The following ABCA4 variants were observed in gnomAD, a reference collection of about 807,000 sequenced individuals.
ABCA4 encodes the protein retinal-specific phospholipid-transporting ATPase ABCA4.
A neutral mutation model predicts 263.7 loss-of-function variants in ABCA4; 196 were observed. The observed-to-expected ratio is 0.74, with a 90% CI of 0.66 to 0.84. The LOEUF is 0.84. ABCA4 is among the 40% of genes least tolerant of loss of function. The pLI is 0.00. For missense variants in ABCA4, 2,792 were observed against 2,855.1 expected, an observed-to-expected ratio of 0.98 and a Z score of 0.50; for synonymous variants, 1,133 against 1,094.2, an observed-to-expected ratio of 1.04 and a Z score of -0.70.
At chr1:94,100,551 G>C (rs1662258529) in intron 5 of ABCA4, among the ~76,000 whole-genome samples, 1 of 152,188 alleles carries the variant, frequency 6.6e-6, no homozygotes, top group Non-Finnish European at 1.5e-5. Flanking sequence ...GGACAAAGAA[G>C]GGTGGGTTTA....
chr1:94,002,327 G>C (rs1458734287), intron 44 of ABCA4, among the ~76,000 whole-genome samples: 1 of 152,236 alleles, frequency 6.6e-6, no homozygotes, highest in Non-Finnish European at 1.5e-5. Context: ...GGAAGGCTCT[G>C]TTTGAGAAGA....
At chr1:94,069,835 G>A (rs895999296) in intron 11 of ABCA4, among the ~76,000 whole-genome samples, 2 of 152,194 alleles carry the variant, frequency 1.3e-5, no homozygotes, top group African/African-American at 4.8e-5. Flanking sequence ...CACCCACAGA[G>A]AGTAAGGAAA....
chr1:94,021,335 G>A lies in ABCA4; in HGVS notation c.4923C>T (p.Ala1641=), dbSNP rs1441135860. 4 of 1,614,194 alleles carry A rather than the reference G, an allele frequency of 2.5e-6. No individual in the cohort carries two copies. The highest frequency in any genetic ancestry group is 2.2e-5 in the South Asian group (2 of 91,076). ...CGGGGCTCCTGTCCTTAGGCAGGCT[G>A]GCCCGTAAGATGGCGTTGTGGGCCA... ...LNVAHNAILR[A]SLPKDRSPEE... The change falls in exon 35 of 50, where the codon GCC becomes GCT. Residue 1641 remains alanine, a synonymous_variant. Coordinates refer to ENST00000370225, the MANE Select transcript of ABCA4 (RefSeq NM_000350.3).
At chr1:94,055,419 C>T (rs898716935) in intron 15 of ABCA4, 104 bp from the exon 16 acceptor site, 2 of 1,138,706 alleles carry the variant, frequency 1.8e-6, no homozygotes, top group Non-Finnish European at 2.6e-6. Context: ...AAGAGGGTCC[C>T]CATTGTCTCT....
intron 6 of ABCA4, among the ~76,000 whole-genome samples, chr1:94,088,106 C>T (rs1661879938): frequency 3.3e-5 from 5 of 152,232 alleles, no homozygotes; most frequent in Admixed American, 3.3e-4. Flanking sequence ...CTTCTACCCT[C>T]ACCATCCTAC....
intron 4 of ABCA4, among the ~76,000 whole-genome samples, chr1:94,107,993 C>A (rs1427504652): frequency 6.6e-6 from 1 of 152,174 alleles, no homozygotes; most frequent in Non-Finnish European, 1.5e-5. Flanking sequence ...CCAGTCCCTG[C>A]CTTCAGCCCG....
intron 12 of ABCA4, 72 bp downstream of exon 12, chr1:94,063,040 C>G: frequency 7.1e-7 from 1 of 1,407,308 alleles, no homozygotes. Context: ...CAGTCTCAAT[C>G]CCTTTCTCTC....
intron 26 of ABCA4, among the ~76,000 whole-genome samples, chr1:94,033,447 AAAG>A (rs1660259554): frequency 6.6e-6 from 1 of 152,036 alleles, no homozygotes; most frequent in Non-Finnish European, 1.5e-5. Context: ...AGAAAAAAAA[AAAG>A]AACATTTCAC....
chr1:94,043,216 T>TTCACAGAGGTGTTCCCACCCTTAGAAGC (rs1660566421), intron 21 of ABCA4, 120 bp downstream of exon 21: 1 of 1,421,632 alleles, frequency 7.0e-7, no homozygotes, highest in African/African-American at 1.4e-5. Flanking sequence ...TTGGTGTAAC[T>TTCACAGAGGTGTTCCCACCCTTAGAAGC]TCACAGAGGT....
At position 94,046,393 on chromosome 1, in the gene ABCA4, C is replaced by T. The variant is rs1172798503; in HGVS notation, c.2918+526G>A. On this transcript the variant is annotated intron_variant, in intron 19 of 49. Transcript: ENST00000370225. ...GGGAGAATCGCTTGATCCTGGGAGG[C>T]GGAGGTTGCAGTGAGCCAAGATCGC... Among the ~76,000 whole-genome samples the T allele has an allele frequency of 3.9e-5, 5 of 126,934 alleles. No individual in the cohort carries two copies. In the South Asian group the frequency reaches 8.0e-4, roughly 20 times the overall value. The allele number at this position is 126,934 out of a possible 152,430, so 83.3% of individuals were successfully genotyped here.
At chr1:94,013,220 TC>T (rs4147898) in intron 38 of ABCA4, among the ~76,000 whole-genome samples, 1 of 33,570 alleles carries the variant, frequency 3.0e-5, no homozygotes, top group Non-Finnish European at 1.3e-4. Context: ...TGTGTTCTTA[TC>T]CCCCCGCCTT....
chr1:94,119,897 G>A (rs765287473), intron 1 of ABCA4, among the ~76,000 whole-genome samples: 16 of 151,776 alleles, frequency 1.1e-4, no homozygotes, highest in Non-Finnish European at 1.6e-4. Context: ...TTCTCTTCTC[G>A]CCTAAAGCAG....
intron 36 of ABCA4, among the ~76,000 whole-genome samples, chr1:94,019,130 G>A (rs1659823749): frequency 6.7e-6 from 1 of 148,722 alleles, no homozygotes; most frequent in South Asian, 2.1e-4. Flanking sequence ...ATTTAACTGG[G>A]TGTCCTGTAT....
At chr1:94,090,119 G>A (rs1286911843) in intron 6 of ABCA4, among the ~76,000 whole-genome samples, 1 of 152,050 alleles carries the variant, frequency 6.6e-6, no homozygotes, top group Admixed American at 6.5e-5. Context: ...GGAGTACCTG[G>A]AGCTAACCCA....
At chr1:94,021,483 AT>A in intron 34 of ABCA4, 74 bp from the exon 35 acceptor site, 1 of 1,598,592 alleles carries the variant, frequency 6.3e-7, no homozygotes, top group Non-Finnish European at 8.6e-7. Context: ...AGGAAAGGAA[AT>A]TTGAGAAGCA....
At chr1:94,114,560 C>T (rs1662699682) in intron 1 of ABCA4, among the ~76,000 whole-genome samples, 1 of 152,052 alleles carries the variant, frequency 6.6e-6, no homozygotes, top group Non-Finnish European at 1.5e-5. Flanking sequence ...GATCTTGGCT[C>T]ACTGCAAGCT....
Position 94,108,726 on chromosome 1 carries a change from CAA to C in ABCA4, c.303-12_303-11del. 1 of 1,613,618 alleles carries C rather than the reference CAA, an allele frequency of 6.2e-7. No homozygotes were observed. The highest frequency in any genetic ancestry group is 8.5e-7 in the Non-Finnish European group (1 of 1,179,896). ...ATATACCCTTGCCAAGCTGTAAGGA[CAA>C]AGCCTCATTAATAAGGAAATAGCTG... On this transcript the variant is annotated splice_polypyrimidine_tract_variant and intron_variant, in intron 3 of 49. Coordinates refer to ENST00000370225, the MANE Select transcript of ABCA4 (RefSeq NM_000350.3).
At position 94,095,631 on chromosome 1, in the gene ABCA4, G is replaced by A. The variant is rs376251958; in HGVS notation, c.768+3163C>T. ...CTGATGCTCCTTTCAGAGGATCGGA[G>A]GGTCTGCCCTGAGCCTTTCTGGGCC... On this transcript the variant is annotated intron_variant, in intron 6 of 49. Transcript: ENST00000370225. 7.2e-5 allele frequency among the ~76,000 whole-genome samples: 11 copies of A among 152,070 alleles called. No homozygotes were observed. The East Asian group carries it at 9.7e-4, about 13-fold the overall frequency.
At chr1:94,077,918 G>A in intron 10 of ABCA4, 31 bp from the exon 11 acceptor site, 1 of 1,589,294 alleles carries the variant, frequency 6.3e-7, no homozygotes, top group Non-Finnish European at 8.6e-7. Flanking sequence ...TCACTGCTCT[G>A]CTTAGAAATT....
Sources: gnomAD v4.1 joint callset for allele counts (sites outside exome capture counted in the v4.1 genomes callset) on GRCh38, gnomAD v4.1.1 for gene constraint, MANE v1.5 for transcripts, NCBI Gene and HGNC (gene_info 2026-07-23, HGNC 2026-07-21) for gene names.